Variants in PARP8 observed in about 807,000 individuals in gnomAD.
PARP8 encodes the protein protein mono-ADP-ribosyltransferase PARP8.
A neutral mutation model predicts 124.1 loss-of-function variants in PARP8; 51 were observed. The ratio of observed to expected loss-of-function variants is 0.41; its 90% CI spans 0.33 to 0.52. The LOEUF (loss-of-function observed/expected upper bound fraction) is 0.52, where lower values mean the gene tolerates loss of function less well. Ranked by LOEUF, PARP8 falls within the 20% of genes least tolerant of loss-of-function variation. The pLI, the probability that PARP8 is intolerant of heterozygous loss-of-function variation, is 0.21. For synonymous variants in PARP8, 391 were observed against 361.5 expected, an observed-to-expected ratio of 1.08 and a Z score of -0.93; for missense variants, 860 against 1,018.9, an observed-to-expected ratio of 0.84 and a Z score of 2.12.
chr5:50,715,860 T>A (rs968059614), intron 2 of PARP8, among the ~76,000 whole-genome samples: 5 of 152,030 alleles, frequency 3.3e-5, no homozygotes, highest in African/African-American at 1.2e-4. Flanking sequence ...ATAACCTTTT[T>A]TAAAAAAATA....
chr5:50,794,979 T>A lies in PARP8; in HGVS notation c.990T>A (p.Asp330Glu). Residue 330 changes from aspartate to glutamate, a missense_variant, in exon 12 of 26, where the codon GAT becomes GAA. By Grantham distance (45) the Asp-to-Glu change is conservative. Coordinates refer to ENST00000281631, the MANE Select transcript of PARP8 (RefSeq NM_024615.4). Reference protein sequence around the residue: ...RTCSSTVKTDDVCVTKSHRTF... With the variant: ...RTCSSTVKTDEVCVTKSHRTF... ...GTTCCAGCACAGTCAAGACTGATGA[T>A]GTGTGTGTCACAAAGTCACACAGGA... 6.2e-7 allele frequency: 1 copy of A among 1,614,220 alleles called. No individual in the cohort carries two copies. Among genetic ancestry groups the A allele is most frequent in the Non-Finnish European group, 8.5e-7 (1 of 1,180,032 alleles).
intron 14 of PARP8, among the ~76,000 whole-genome samples, chr5:50,808,654 T>A (rs1035927556): frequency 1.3e-5 from 2 of 152,028 alleles, no homozygotes; most frequent in African/African-American, 4.8e-5. Context: ...AAATTACAGC[T>A]ATCCGTTTGG....
At chr5:50,832,046 T>C (rs1173528469) in intron 22 of PARP8, among the ~76,000 whole-genome samples, 2 of 152,204 alleles carry the variant, frequency 1.3e-5, no homozygotes, top group Non-Finnish European at 2.9e-5. Context: ...TCCACCTTTT[T>C]GGAAGGCCTG....
intron 7 of PARP8, among the ~76,000 whole-genome samples, chr5:50,773,299 A>T (rs1179112212): frequency 4.6e-5 from 7 of 152,150 alleles, no homozygotes. Context: ...CAGTAATTTT[A>T]TATTTTTGGG....
chr5:50,763,289 C>A, intron 7 of PARP8, 47 bp downstream of exon 7: 2 of 1,423,320 alleles, frequency 1.4e-6, no homozygotes, highest in South Asian at 1.2e-5. Context: ...TATGGTAAGT[C>A]ATTGAAATTT....
chr5:50,748,558 A>G (rs1758871081), intron 2 of PARP8, among the ~76,000 whole-genome samples: 1 of 152,054 alleles, frequency 6.6e-6, no homozygotes, highest in African/African-American at 2.4e-5. Flanking sequence ...CTGGGGACCA[A>G]TTTTCACAAT....
intron 9 of PARP8, among the ~76,000 whole-genome samples, chr5:50,780,242 G>A (rs184701542): frequency 1.3e-5 from 2 of 152,286 alleles, no homozygotes; most frequent in East Asian, 1.9e-4. Context: ...ATAGTTGTAT[G>A]TGTTCTTGCT....
At chr5:50,682,169 T>A (rs1217117584) in intron 2 of PARP8, among the ~76,000 whole-genome samples, 1 of 152,126 alleles carries the variant, frequency 6.6e-6, no homozygotes, top group Non-Finnish European at 1.5e-5. Flanking sequence ...TGCTGTTTGA[T>A]CAAAGCTGTG....
chr5:50,708,099 CTG>C (rs1241623924), intron 2 of PARP8, among the ~76,000 whole-genome samples: 2 of 151,888 alleles, frequency 1.3e-5, no homozygotes, highest in Admixed American at 1.3e-4. Flanking sequence ...TTGTATTTTG[CTG>C]TGTGTCCATT....
At chr5:50,690,910 A>G (rs1752427589) in intron 2 of PARP8, among the ~76,000 whole-genome samples, 1 of 152,112 alleles carries the variant, frequency 6.6e-6, no homozygotes, top group Non-Finnish European at 1.5e-5. Flanking sequence ...TCCCTTCTCT[A>G]CACTTCTCAA....
At chr5:50,710,811 G>A (rs1472055144) in intron 2 of PARP8, among the ~76,000 whole-genome samples, 2 of 152,106 alleles carry the variant, frequency 1.3e-5, no homozygotes, top group Non-Finnish European at 2.9e-5. Flanking sequence ...TTCTGTGTCT[G>A]CAACCTACAT....
intron 2 of PARP8, among the ~76,000 whole-genome samples, chr5:50,688,369 A>G (rs1267086256): frequency 1.3e-5 from 2 of 152,224 alleles, no homozygotes; most frequent in Non-Finnish European, 2.9e-5. Flanking sequence ...AACTGCTGTT[A>G]GTATTTCTAT....
At chr5:50,777,711 C>A (rs1740184257) in intron 7 of PARP8, among the ~76,000 whole-genome samples, 3 of 152,100 alleles carry the variant, frequency 2.0e-5, no homozygotes. Context: ...CAACTCCTTT[C>A]TTGTCTTCAG....
intron 14 of PARP8, among the ~76,000 whole-genome samples, chr5:50,814,956 G>A (rs1286003286): frequency 6.6e-6 from 1 of 152,016 alleles, no homozygotes; most frequent in Non-Finnish European, 1.5e-5. Flanking sequence ...TGAGTAGCAA[G>A]TAAACAGAAT....
chr5:50,735,698 A>G (rs1229342001), intron 2 of PARP8, among the ~76,000 whole-genome samples: 1 of 152,200 alleles, frequency 6.6e-6, no homozygotes, highest in Non-Finnish European at 1.5e-5. Context: ...TATATTGAGC[A>G]TCTGGGACAC....
In PARP8 at chr5:50,808,143, C is replaced by T. The variant is rs539996942; in HGVS notation, c.1576-7289C>T. Among the ~76,000 whole-genome samples the T allele has an allele frequency of 3.3e-5, 5 of 151,814 alleles. No individual in the cohort carries two copies. The East Asian group carries it at 7.8e-4, about 24-fold the overall frequency. ...AAAAATGACTGAGGCAGGTCTCAGT[C>T]GATAAAGATTTATTTAGCCACGGTT... On this transcript the variant is annotated intron_variant, in intron 14 of 25. Transcript: ENST00000281631.
chr5:50,804,520 G>A (rs1225902789), intron 14 of PARP8, among the ~76,000 whole-genome samples: 2 of 152,148 alleles, frequency 1.3e-5, no homozygotes, highest in African/African-American at 2.4e-5. Context: ...GAAATCTGTC[G>A]CTTATATTAT....
Position 50,806,917 on chromosome 5 carries a change from T to C in PARP8, c.1576-8515T>C, listed in dbSNP as rs555253312. 1.4e-3 allele frequency among the ~76,000 whole-genome samples: 217 copies of C among 152,186 alleles called. 2 individuals carry two copies. The highest frequency in any genetic ancestry group is 5.2e-3 in the African/African-American group (214 of 41,546). On this transcript the variant is annotated intron_variant, in intron 14 of 25. Transcript: ENST00000281631. ...CCATTATTGAGCCCATCTGACACAT[T>C]ACAGTCTGTAGTAAGTCTCAGAGAC... is the stretch of plus-strand genomic sequence containing the variant.
chr5:50,776,577 A>C (rs154137), intron 7 of PARP8, among the ~76,000 whole-genome samples: 16,054 of 152,230 alleles, frequency 0.11, 881 homozygotes, highest in South Asian at 0.16. Flanking sequence ...ATAAGAGTGT[A>C]ATTTCATAAA....
Sources: allele counts gnomAD v4.1 joint callset (sites outside exome capture counted in the v4.1 genomes callset), GRCh38; gene constraint gnomAD v4.1.1; transcripts MANE v1.5; gene names NCBI Gene and HGNC (gene_info 2026-07-23, HGNC 2026-07-21).